MACROD2: variants seen among roughly 807,000 people sequenced by gnomAD.
MACROD2 encodes the protein ADP-ribose glycohydrolase MACROD2.
In MACROD2, 36 loss-of-function variants were observed where a neutral mutation model predicts 70.4. That is an observed-to-expected ratio of 0.51 (90% CI 0.39 to 0.68). The LOEUF (loss-of-function observed/expected upper bound fraction) is 0.68. Among genes scored for constraint, MACROD2 ranks in the 30% least tolerant of loss-of-function variants. MACROD2 has a pLI of 0.00. For synonymous variants in MACROD2, 172 were observed against 178.8 expected (o/e 0.96, Z 0.30); for missense variants, 496 against 538.4 (o/e 0.92, Z 0.78).
intron 5 of MACROD2, among the ~76,000 whole-genome samples, chr20:15,021,341 TAC>T (rs2075182041): frequency 7.8e-6 from 1 of 128,234 alleles, no homozygotes; most frequent in African/African-American, 3.0e-5. Flanking sequence ...TGTGTATGTA[TAC>T]ACACAGATGT....
At chr20:14,495,013 C>A (rs1412319591) in intron 4 of MACROD2, among the ~76,000 whole-genome samples, 1 of 152,122 alleles carries the variant, frequency 6.6e-6, no homozygotes, top group Non-Finnish European at 1.5e-5. Context: ...TAAACACATT[C>A]ATCAACTTAA....
At chr20:15,754,532 C>A (rs1406307068) in intron 8 of MACROD2, among the ~76,000 whole-genome samples, 1 of 151,856 alleles carries the variant, frequency 6.6e-6, no homozygotes, top group Non-Finnish European at 1.5e-5. Context: ...ATCATCTGAG[C>A]CTGGGAGGCA....
chr20:15,774,652 G>C (rs561527289), intron 8 of MACROD2, among the ~76,000 whole-genome samples: 14 of 152,212 alleles, frequency 9.2e-5, no homozygotes, highest in Middle Eastern at 3.4e-3. Flanking sequence ...TGGCCAGGGA[G>C]GGGGAGGGCA....
At chr20:15,499,945 A>C in intron 8 of MACROD2, 98 bp downstream of exon 8, 1 of 1,148,992 alleles carries the variant, frequency 8.7e-7, no homozygotes, top group Non-Finnish European at 1.3e-6. Flanking sequence ...TATCAACTAC[A>C]CCTAGTCATT....
At chr20:14,032,113 GT>G (rs2053252644) in intron 2 of MACROD2, among the ~76,000 whole-genome samples, 1 of 151,312 alleles carries the variant, frequency 6.6e-6, no homozygotes. Flanking sequence ...TTTGAGGCTT[GT>G]TTTTTTCTCA....
chr20:15,948,670 T>G (rs2065863284), intron 12 of MACROD2, among the ~76,000 whole-genome samples: 2 of 152,158 alleles, frequency 1.3e-5, no homozygotes, highest in African/African-American at 4.8e-5. Context: ...AAACTTCTTT[T>G]AAGGAAGTAC....
intron 7 of MACROD2, among the ~76,000 whole-genome samples, chr20:15,436,390 C>G (rs6074892): frequency 6.6e-6 from 1 of 151,516 alleles, no homozygotes; most frequent in Admixed American, 6.6e-5. Context: ...ACCATCACAT[C>G]TCATGAGACC....
At chr20:15,727,797 G>A (rs1013376810) in intron 8 of MACROD2, among the ~76,000 whole-genome samples, 2 of 152,004 alleles carry the variant, frequency 1.3e-5, no homozygotes, top group African/African-American at 4.8e-5. Context: ...CTTTGCTGAA[G>A]TTGATTATCA....
intron 7 of MACROD2, among the ~76,000 whole-genome samples, chr20:15,444,688 G>A (rs1485690611): frequency 1.3e-5 from 2 of 152,068 alleles, no homozygotes; most frequent in Non-Finnish European, 2.9e-5. Flanking sequence ...ATAGATCTAG[G>A]TTCAAATTCT....
At chr20:15,840,863 T>C (rs182299901) in intron 8 of MACROD2, among the ~76,000 whole-genome samples, 1 of 152,302 alleles carries the variant, frequency 6.6e-6, no homozygotes, top group East Asian at 1.9e-4. Context: ...AGTTAAATTA[T>C]AGTAAGAATC....
In MACROD2 at chr20:14,443,004, G is replaced by A. The variant is rs180975169; in HGVS notation, c.272-50475G>A. 1.4e-3 allele frequency among the ~76,000 whole-genome samples: 219 copies of A among 151,710 alleles called. 1 individual carries two copies. Among genetic ancestry groups the A allele is most frequent in the Admixed American group, 0.011 (170 of 15,242 alleles). On this transcript the variant is annotated intron_variant, in intron 3 of 17. Transcript: ENST00000684519. ...TGAGACGGGAGAATGGCGTGAACCC[G>A]GGAGGCGGAGGTTGCAGTGAGCCGA...
intron 3 of MACROD2, among the ~76,000 whole-genome samples, chr20:14,343,476 C>T (rs897123218): frequency 7.2e-5 from 11 of 152,176 alleles, no homozygotes; most frequent in Non-Finnish European, 1.6e-4. Context: ...CGAGAAAGCA[C>T]ATACCAAGAC....
chr20:14,453,975 A>G (rs2084272213), intron 3 of MACROD2, among the ~76,000 whole-genome samples: 1 of 151,962 alleles, frequency 6.6e-6, no homozygotes, highest in South Asian at 2.1e-4. Context: ...TGTTTTAAAT[A>G]TTTCAATGCA....
At chr20:15,447,780 G>T (rs2046588913) in intron 7 of MACROD2, among the ~76,000 whole-genome samples, 1 of 152,172 alleles carries the variant, frequency 6.6e-6, no homozygotes, top group Non-Finnish European at 1.5e-5. Flanking sequence ...TAAAATCAAT[G>T]AAGCTGTTTT....
chr20:15,770,084 A>ATTTTTTTTT (rs1234797549), intron 8 of MACROD2, among the ~76,000 whole-genome samples: 80 of 125,702 alleles, frequency 6.4e-4, no homozygotes, highest in African/African-American at 2.2e-3. Flanking sequence ...ATTTATTTTA[A>ATTTTTTTTT]TTTTCTTTTT....
chr20:14,508,556 A>C (rs902734637), intron 4 of MACROD2, among the ~76,000 whole-genome samples: 1 of 152,182 alleles, frequency 6.6e-6, no homozygotes. Context: ...GAGATTTGAC[A>C]TTAGAATATT....
At chr20:15,465,865 A>G (rs2046880715) in intron 7 of MACROD2, among the ~76,000 whole-genome samples, 1 of 152,164 alleles carries the variant, frequency 6.6e-6, no homozygotes, top group East Asian at 1.9e-4. Context: ...TTCCATGGCC[A>G]CACCTCTTAT....
chr20:15,808,724 A>G (rs1157193525), intron 8 of MACROD2, among the ~76,000 whole-genome samples: 1 of 152,194 alleles, frequency 6.6e-6, no homozygotes, highest in Non-Finnish European at 1.5e-5. Flanking sequence ...AGTAAATAAT[A>G]CTAATTTGTA....
intron 2 of MACROD2, among the ~76,000 whole-genome samples, chr20:14,059,230 C>T (rs2053665391): frequency 6.6e-6 from 1 of 152,110 alleles, no homozygotes; most frequent in East Asian, 1.9e-4. Flanking sequence ...TCAGATTAAA[C>T]TTTATTTTCA....
Sources: allele counts gnomAD v4.1 joint callset (sites outside exome capture counted in the v4.1 genomes callset), GRCh38; gene constraint gnomAD v4.1.1; transcripts MANE v1.5; gene names NCBI Gene and HGNC (gene_info 2026-07-23, HGNC 2026-07-21).